Variants in FGF13 observed in about 807,000 individuals in gnomAD.
FGF13 encodes fibroblast growth factor 13.
Under a neutral mutation model 19.5 loss-of-function variants are expected in FGF13, and 2 were observed. The observed-to-expected ratio is 0.10, with a 90% CI of 0.04 to 0.32. The LOEUF is 0.32. Among genes scored for constraint, FGF13 ranks in the 10% least tolerant of loss-of-function variants. The pLI is 1.00. For synonymous variants in FGF13, 72 were observed against 76.9 expected (o/e 0.94, Z 0.33); for missense variants, 113 against 192.7 (o/e 0.59, Z 2.45).
rs777323522 is a variant in FGF13, at chrX:138,708,957, T to C, written c.188-29A>G. The C allele has an allele frequency of 6.7e-6, 6 of 901,326 alleles. No individual in the cohort carries two copies. The Middle Eastern group carries it at 1.1e-3, about 166-fold the overall frequency. 74.3% of individuals were successfully genotyped at this position (901,326 alleles called of 1,213,427 possible). ...CAAAGAGAACAATGATTTGGATCAA[T>C]TGATAAATTGTGCCTATGTAGTTGA... is the stretch of plus-strand genomic sequence containing the variant. On this transcript the variant is annotated intron_variant, in intron 1 of 4. Coordinates refer to ENST00000315930, the MANE Select transcript of FGF13 (RefSeq NM_004114.5).
intron 3 of FGF13, among the ~76,000 whole-genome samples, chrX:138,830,827 G>T (rs897213988): frequency 7.3e-5 from 8 of 109,819 alleles, no homozygotes; most frequent in Non-Finnish European, 1.1e-4. Flanking sequence ...TATCATAAAT[G>T]AAGGGAGCAG....
At chrX:138,897,485 G>A (rs895143041) in intron 1 of FGF13, among the ~76,000 whole-genome samples, 3 of 111,586 alleles carry the variant, frequency 2.7e-5, no homozygotes, top group African/African-American at 6.5e-5. Context: ...ATGTGAGCAA[G>A]TTCTAAGGCC....
intron 3 of FGF13, among the ~76,000 whole-genome samples, chrX:138,636,061 C>T (rs1266312612): frequency 8.9e-6 from 1 of 112,260 alleles, no homozygotes; most frequent in African/African-American, 3.2e-5. Context: ...ACTTAATTTT[C>T]ATGGATTCTT....
chrX:138,815,449 AT>A (rs1329944674), intron 3 of FGF13, among the ~76,000 whole-genome samples: 1 of 110,972 alleles, frequency 9.0e-6, no homozygotes, highest in African/African-American at 3.3e-5. Flanking sequence ...AATACGTAAA[AT>A]TTTTATTGGT....
chrX:138,899,505 G>A (rs924484487), intron 1 of FGF13, among the ~76,000 whole-genome samples: 3 of 111,068 alleles, frequency 2.7e-5, no homozygotes, highest in Non-Finnish European at 5.7e-5. Context: ...ATTTCTTGGG[G>A]AGAATGCTTG....
At position 138,627,517 on chromosome X, in the gene FGF13, C is replaced by T. The variant is rs1160470898; in HGVS notation, c.*5333G>A. ...GAACTTGACTGCTCCATTCTCCCAA[C>T]TGAATAGACATATGATCAACCTCCC... is the stretch of plus-strand genomic sequence containing the variant. On this transcript the variant is annotated 3_prime_UTR_variant, in exon 5 of 5. Coordinates refer to ENST00000315930, the MANE Select transcript of FGF13 (RefSeq NM_004114.5). 9.3e-6 allele frequency: 1 copy of T among 107,650 alleles called. No individual in the cohort carries two copies. The highest frequency in any genetic ancestry group is 3.4e-5 in the African/African-American group (1 of 29,381). The allele number at this position is 107,650 out of a possible 1,213,427, so 8.9% of individuals were successfully genotyped here.
rs1442047224 is a variant in FGF13 at position 138,625,255 on chromosome X, C to T, written c.*7595G>A. The T allele has an allele frequency of 9.2e-6, 1 of 108,532 alleles. No homozygotes were observed. Among genetic ancestry groups the T allele is most frequent in the East Asian group, 2.9e-4 (1 of 3,453 alleles). 8.9% of individuals were successfully genotyped at this position (108,532 alleles called of 1,213,427 possible). ...TAAATTAGTAAGCCATTATGTAAAA[C>T]AGTATGGAGATCCTCATAAAAGTAA... On this transcript the variant is annotated 3_prime_UTR_variant, in exon 5 of 5. Transcript: ENST00000315930.
intron 1 of FGF13, among the ~76,000 whole-genome samples, chrX:138,877,656 T>G (rs2091398602): frequency 8.9e-6 from 1 of 112,537 alleles, no homozygotes; most frequent in African/African-American, 3.2e-5. Flanking sequence ...TGAATTTGCC[T>G]AAGTGGAATC....
intron 3 of FGF13, among the ~76,000 whole-genome samples, chrX:138,676,947 T>C (rs749051120): frequency 5.9e-4 from 66 of 112,621 alleles, no homozygotes; most frequent in Non-Finnish European, 1.1e-3. Context: ...ACAGTCACTA[T>C]TTCCTTATAA....
intron 1 of FGF13, among the ~76,000 whole-genome samples, chrX:138,939,028 G>T (rs373388071): frequency 2.7e-5 from 3 of 112,103 alleles, no homozygotes; most frequent in African/African-American, 9.7e-5. Context: ...GCCATGTTGA[G>T]GTGGTTGGCT....
chrX:138,709,390 C>G (rs1198371743), intron 1 of FGF13, among the ~76,000 whole-genome samples: 3 of 112,216 alleles, frequency 2.7e-5, no homozygotes, highest in Non-Finnish European at 5.6e-5. Flanking sequence ...TAAATAATCT[C>G]CTTTATTCTA....
At chrX:138,924,785 AC>A (rs760158862) in intron 1 of FGF13, among the ~76,000 whole-genome samples, 2 of 109,337 alleles carry the variant, frequency 1.8e-5, no homozygotes, top group Non-Finnish European at 3.8e-5. Flanking sequence ...GGACATCCTA[AC>A]CAAGGGACCA....
At chrX:138,772,243 T>C (rs1357371875) in intron 3 of FGF13, among the ~76,000 whole-genome samples, 1 of 108,976 alleles carries the variant, frequency 9.2e-6, no homozygotes, top group Non-Finnish European at 1.9e-5. Flanking sequence ...TGCCTAAACA[T>C]TAGGCTAAAT....
At chrX:138,822,319 T>G (rs2091004753) in intron 3 of FGF13, among the ~76,000 whole-genome samples, 1 of 112,054 alleles carries the variant, frequency 8.9e-6, no homozygotes, top group Non-Finnish European at 1.9e-5. Flanking sequence ...GATAGAAATC[T>G]TTCGAGACAC....
intron 1 of FGF13, among the ~76,000 whole-genome samples, chrX:138,948,999 T>C (rs1394937777): frequency 8.9e-6 from 1 of 111,977 alleles, no homozygotes; most frequent in Non-Finnish European, 1.9e-5. Flanking sequence ...GTATTATTAT[T>C]TCCATTGTAC....
intron 3 of FGF13, among the ~76,000 whole-genome samples, chrX:138,755,306 G>T (rs1315933165): frequency 8.9e-6 from 1 of 111,846 alleles, no homozygotes; most frequent in Non-Finnish European, 1.9e-5. Context: ...ACCAACCAGA[G>T]AATTCTCTAT....
rs188255928 is a variant in FGF13 at position 139,021,734 on chromosome X, T to G, written c.-112-157084A>C. Among the ~76,000 whole-genome samples the G allele has an allele frequency of 2.5e-3, 274 of 111,287 alleles. 2 individuals are homozygous for G. Among genetic ancestry groups the G allele is most frequent in the African/African-American group, 8.2e-3 (253 of 30,732 alleles). ...CCCAAGATCCAATAATAAATTATTATGAAAGACAGGAAGGAAGGGAAAGAG... is the reference window on the plus strand; with the variant it reads ...CCCAAGATCCAATAATAAATTATTAGGAAAGACAGGAAGGAAGGGAAAGAG... On this transcript the variant is annotated intron_variant, in intron 1 of 2. Transcript: ENST00000421460.
At chrX:138,891,272 G>A (rs1026824823) in intron 1 of FGF13, among the ~76,000 whole-genome samples, 1 of 111,623 alleles carries the variant, frequency 9.0e-6, no homozygotes, top group African/African-American at 3.3e-5. Flanking sequence ...GCAACAGAGT[G>A]GGACTCCGAC....
At chrX:138,660,834 G>C (rs1434981331) in intron 3 of FGF13, among the ~76,000 whole-genome samples, 1 of 111,512 alleles carries the variant, frequency 9.0e-6, no homozygotes, top group African/African-American at 3.3e-5. Flanking sequence ...CTCTATGTAA[G>C]ATGTACTTCA....
Sources: gnomAD v4.1 joint callset for allele counts (sites outside exome capture counted in the v4.1 genomes callset) on GRCh38, gnomAD v4.1.1 for gene constraint, MANE v1.5 for transcripts, NCBI Gene and HGNC (gene_info 2026-07-23, HGNC 2026-07-21) for gene names.